Variants in DMGDH observed in about 807,000 individuals in gnomAD.
The protein encoded by DMGDH is dimethylglycine dehydrogenase.
Under a neutral mutation model 95.2 loss-of-function variants are expected in DMGDH, and 76 were observed. The observed-to-expected ratio is 0.80, with a 90% CI of 0.66 to 0.97. The LOEUF is 0.97. Ranked by LOEUF, DMGDH falls within the 50% of genes least tolerant of loss-of-function variation. The probability of loss-of-function intolerance (pLI) is 0.00; values close to 1 mark genes in which losing one functional copy is unlikely to be tolerated. For missense variants in DMGDH, 987 were observed against 1,055.0 expected, an observed-to-expected ratio of 0.94 and a Z score of 0.89; for synonymous variants, 345 against 377.6, an observed-to-expected ratio of 0.91 and a Z score of 1.00.
chr5:79,053,139 A>G (rs1012253124), intron 4 of DMGDH, among the ~76,000 whole-genome samples: 6 of 150,704 alleles, frequency 4.0e-5, no homozygotes, highest in African/African-American at 1.2e-4. Context: ...ATAGATATAG[A>G]TATAAACTTT....
At chr5:79,009,276 T>C (rs1312416430) in intron 14 of DMGDH, among the ~76,000 whole-genome samples, 1 of 149,352 alleles carries the variant, frequency 6.7e-6, no homozygotes. Context: ...AGACATGAAA[T>C]AAAACATATT....
intron 15 of DMGDH, chr5:79,000,156 G>T (rs567879178): frequency 3.5e-6 from 2 of 565,128 alleles, no homozygotes; most frequent in East Asian, 9.0e-5. Context: ...TCAGGTGAAT[G>T]TGTGTTGTTC....
At chr5:79,011,487 T>C (rs955658544) in intron 14 of DMGDH, among the ~76,000 whole-genome samples, 4 of 152,200 alleles carry the variant, frequency 2.6e-5, no homozygotes, top group East Asian at 1.9e-4. Context: ...AGCAACTAAA[T>C]TGGTTATTAT....
intron 14 of DMGDH, among the ~76,000 whole-genome samples, chr5:79,005,651 G>C (rs1753535159): frequency 6.6e-6 from 1 of 152,212 alleles, no homozygotes; most frequent in African/African-American, 2.4e-5. Context: ...ACCAGAACCA[G>C]GCAGAAACCT....
At chr5:79,005,226 T>C in intron 15 of DMGDH, 47 bp downstream of exon 15, 1 of 1,592,104 alleles carries the variant, frequency 6.3e-7, no homozygotes, top group Non-Finnish European at 8.6e-7. Flanking sequence ...GGAGTTTCTG[T>C]TGCAGAAGAT....
chr5:79,050,662 T>C, intron 5 of DMGDH, among the ~76,000 whole-genome samples: 1 of 152,204 alleles, frequency 6.6e-6, no homozygotes, highest in East Asian at 1.9e-4. Context: ...TAACGATCAG[T>C]GGCCGCTTGG....
chr5:79,029,881 T>C (rs1754106623), intron 11 of DMGDH, 23 bp downstream of exon 11: 1 of 1,612,790 alleles, frequency 6.2e-7, no homozygotes, highest in African/African-American at 1.3e-5. Context: ...TGTACAAAAT[T>C]TTCTTACTAG....
At chr5:79,009,875 T>C (rs1753616370) in intron 14 of DMGDH, among the ~76,000 whole-genome samples, 1 of 152,194 alleles carries the variant, frequency 6.6e-6, no homozygotes, top group South Asian at 2.1e-4. Flanking sequence ...GAGGAAAATG[T>C]GTCTGAAGGT....
At chr5:79,046,088 G>GTTTT (rs1754664963) in intron 5 of DMGDH, among the ~76,000 whole-genome samples, 1 of 134,038 alleles carries the variant, frequency 7.5e-6, no homozygotes, top group South Asian at 2.4e-4. Context: ...GTTTTGTTTT[G>GTTTT]TTTTGTTTTG....
At chr5:79,057,020 C>T (rs1242698052) in intron 2 of DMGDH, among the ~76,000 whole-genome samples, 1 of 152,158 alleles carries the variant, frequency 6.6e-6, no homozygotes, top group Non-Finnish European at 1.5e-5. Context: ...TGGCCCTTTC[C>T]TGAAATTGCA....
At chr5:79,000,288 A>T (rs1753431841) in intron 15 of DMGDH, 1 of 664,368 alleles carries the variant, frequency 1.5e-6, no homozygotes, top group Non-Finnish European at 2.9e-6. Context: ...CCATGAGATG[A>T]AGAAGATGCC....
chr5:79,028,479 T>C lies in DMGDH; in HGVS notation c.1986A>G (p.Leu662=). The change falls in exon 12 of 16, where the codon TTA becomes TTG. Residue 662 remains leucine (L), a synonymous_variant. Transcript: ENST00000255189. ...DVFKFLQTKS[L]KVSNIPVTAI... is the part of the protein sequence containing the mutation. ...CAGTGACAGGAATGTTGGAAACCTT[T>C]AAGGACTTGGTTTGAAGAAACTTGA... 6.2e-7 allele frequency: 1 copy of C among 1,614,170 alleles called. No homozygotes were observed. The highest frequency in any genetic ancestry group is 1.1e-5 in the South Asian group (1 of 91,074).
rs35837828 is a variant in DMGDH at position 79,048,768 on chromosome 5, T to TACAC, written c.745+2515_745+2518dup. On this transcript the variant is annotated intron_variant, in intron 5 of 15. Transcript: ENST00000255189. ...ACTTACAGATAATTAAAAACACACA[T>TACAC]ACACACACACACACACACACACCCC... 9.3e-4 allele frequency among the ~76,000 whole-genome samples: 137 copies of TACAC among 147,260 alleles called. No homozygotes were observed. In the East Asian group the frequency reaches 0.014, roughly 15 times the overall value.
chr5:79,058,552 T>C (rs1755099175), intron 2 of DMGDH, among the ~76,000 whole-genome samples: 1 of 152,094 alleles, frequency 6.6e-6, no homozygotes, highest in African/African-American at 2.4e-5. Context: ...AGACACATAG[T>C]AACTATGAAA....
intron 5 of DMGDH, among the ~76,000 whole-genome samples, chr5:79,050,273 A>AAATATATAT (rs1554037270): frequency 1.7e-3 from 36 of 20,950 alleles, no homozygotes; most frequent in Non-Finnish European, 2.8e-3. Context: ...AAAAAAAAAA[A>AAATATATAT]ATATATATAT....
chr5:79,057,511 C>T (rs773474409), intron 2 of DMGDH, among the ~76,000 whole-genome samples: 11 of 151,486 alleles, frequency 7.3e-5, no homozygotes, highest in Non-Finnish European at 1.6e-4. Flanking sequence ...TGGACATATC[C>T]ATGGCTGATT....
chr5:79,065,174 G>A (rs1293129559), intron 1 of DMGDH, among the ~76,000 whole-genome samples: 3 of 151,570 alleles, frequency 2.0e-5, no homozygotes, highest in Non-Finnish European at 4.4e-5. Flanking sequence ...GGTCTTCAGG[G>A]GCAATAACAC....
chr5:79,026,652 A>C, intron 12 of DMGDH, 71 bp from the exon 13 acceptor site: 1 of 1,599,298 alleles, frequency 6.3e-7, no homozygotes, highest in Admixed American at 1.7e-5. Context: ...CATTAGCTAG[A>C]ACACATATAA....
At chr5:79,035,652 G>T (rs1431720844) in intron 7 of DMGDH, among the ~76,000 whole-genome samples, 1 of 150,670 alleles carries the variant, frequency 6.6e-6, no homozygotes, top group Non-Finnish European at 1.5e-5. Context: ...CTATGGCCTG[G>T]CTGCTATACC....
Sources: allele counts gnomAD v4.1 joint callset (sites outside exome capture counted in the v4.1 genomes callset), GRCh38; gene constraint gnomAD v4.1.1; transcripts MANE v1.5; gene names NCBI Gene and HGNC (gene_info 2026-07-23, HGNC 2026-07-21).